PACS2: variants seen among roughly 807,000 people sequenced by gnomAD.
PACS2 encodes phosphofurin acidic cluster sorting protein 2.
In PACS2, 36 loss-of-function variants were observed where a neutral mutation model predicts 113.0. That is an observed-to-expected ratio of 0.32 (90% CI 0.24 to 0.42). The LOEUF is 0.42. Ranked by LOEUF, PACS2 falls within the 10% of genes least tolerant of loss-of-function variation. PACS2 has a pLI of 1.00. For synonymous variants in PACS2, 589 were observed against 536.1 expected (o/e 1.10, Z -1.36); for missense variants, 1,015 against 1,239.5 (o/e 0.82, Z 2.72).
At chr14:105,320,757 T>C (rs1477964541) in intron 1 of PACS2, among the ~76,000 whole-genome samples, 4 of 152,246 alleles carry the variant, frequency 2.6e-5, no homozygotes, top group Admixed American at 1.3e-4. Context: ...AAGATTTCCT[T>C]GTGAAATGAA....
At chr14:105,322,659 C>T (rs1406041359) in intron 1 of PACS2, among the ~76,000 whole-genome samples, 3 of 152,132 alleles carry the variant, frequency 2.0e-5, no homozygotes, top group Admixed American at 2.0e-4. Context: ...TAATCCAACC[C>T]TTTCATGTTT....
intron 1 of PACS2, among the ~76,000 whole-genome samples, chr14:105,342,237 TG>T (rs2059756977): frequency 6.8e-6 from 1 of 147,128 alleles, no homozygotes; most frequent in Non-Finnish European, 1.5e-5. Context: ...TGCCTGTGTG[TG>T]TGTGTGTGTG....
At chr14:105,363,872 A>G (rs910697468) in intron 4 of PACS2, among the ~76,000 whole-genome samples, 20 of 152,096 alleles carry the variant, frequency 1.3e-4, no homozygotes, top group African/African-American at 4.6e-4. Context: ...AGGGGCCCGT[A>G]GAGTTAGTAA....
At chr14:105,301,891 C>T (rs1376068863) in intron 1 of PACS2, among the ~76,000 whole-genome samples, 1 of 152,202 alleles carries the variant, frequency 6.6e-6, no homozygotes, top group Non-Finnish European at 1.5e-5. Flanking sequence ...AATCCCAGCA[C>T]TTTGGGAGGC....
chr14:105,362,124 A>G, intron 4 of PACS2, among the ~76,000 whole-genome samples: 1 of 151,422 alleles, frequency 6.6e-6, no homozygotes, highest in African/African-American at 2.4e-5. Flanking sequence ...ATCTGTCTCA[A>G]AAAAAAAGAA....
At position 105,345,057 on chromosome 14, in the gene PACS2, C is replaced by T. The variant is rs983191647; in HGVS notation, c.120-3436C>T. ...CCAGGAGGTGGAGGTTGCAGTGAGCCGAGATCACACCACTGCACTCCAGCC... is the reference window on the plus strand; with the variant it reads ...CCAGGAGGTGGAGGTTGCAGTGAGCTGAGATCACACCACTGCACTCCAGCC... On this transcript the variant is annotated intron_variant, in intron 1 of 24. Coordinates refer to ENST00000447393, the MANE Select transcript of PACS2 (RefSeq NM_001100913.3). 3.0e-4 allele frequency among the ~76,000 whole-genome samples: 43 copies of T among 144,754 alleles called. 1 individual carries two copies. Among genetic ancestry groups the T allele is most frequent in the Admixed American group, 2.4e-3 (34 of 14,300 alleles). 95.0% of individuals were successfully genotyped at this position (144,754 alleles called of 152,430 possible).
In PACS2 at chr14:105,376,830, C is replaced by T. The variant is rs150825139; in HGVS notation, c.864C>T (p.Leu288=). 100 of 1,613,190 alleles carry T rather than the reference C, an allele frequency of 6.2e-5. No individual in the cohort carries two copies. Among genetic ancestry groups the T allele is most frequent in the Non-Finnish European group, 8.0e-5 (94 of 1,179,896 alleles). ...CCGAGGCAGAGGAGGACCTGGACCTCCTGTATGACACCCTGGACATGGAGC... is the reference window on the plus strand; with the variant it reads ...CCGAGGCAGAGGAGGACCTGGACCTTCTGTATGACACCCTGGACATGGAGC... The part of the protein sequence containing the change: ...HIPEAEEDLD[L]LYDTLDMEHP... The change falls in exon 9 of 25, where the codon CTC becomes CTT. Residue 288 remains leucine, a synonymous_variant. Transcript: ENST00000447393. The surrounding 1 kb of genome is among the most constrained non-coding windows in gnomAD (Gnocchi z 4.7).
At chr14:105,392,595 A>G in intron 22 of PACS2, 24 bp from the exon 23 acceptor site, 1 of 1,569,604 alleles carries the variant, frequency 6.4e-7, no homozygotes, top group African/African-American at 1.4e-5. Flanking sequence ...TGCAGGTGTG[A>G]ATGCCTCCCT....
At position 105,321,667 on chromosome 14, in the gene PACS2, T is replaced by G. The variant is rs147657259; in HGVS notation, c.119+6630T>G. Among the ~76,000 whole-genome samples, 390 of 152,124 alleles carry G rather than the reference T, an allele frequency of 2.6e-3. 4 individuals are homozygous for G. The highest frequency in any genetic ancestry group is 8.9e-3 in the African/African-American group (371 of 41,494). ...CATGAACCACTAACGCCCCGTCACT[T>G]AATATATTTTTGAGGCTATGTTATT... On this transcript the variant is annotated intron_variant, in intron 1 of 24. Coordinates refer to ENST00000447393, the MANE Select transcript of PACS2 (RefSeq NM_001100913.3).
At chr14:105,364,432 C>T (rs1188709028) in intron 4 of PACS2, among the ~76,000 whole-genome samples, 4 of 102,224 alleles carry the variant, frequency 3.9e-5, no homozygotes, top group East Asian at 2.7e-4. Context: ...CCCGGGTGCG[C>T]GGTGGGCGGC....
rs1481433587 is a variant in PACS2 at position 105,376,104 on chromosome 14, A to G, written c.802-664A>G. Among the ~76,000 whole-genome samples the G allele has an allele frequency of 1.3e-5, 2 of 152,198 alleles. No individual in the cohort carries two copies. The highest frequency in any genetic ancestry group is 2.1e-4 in the South Asian group (1 of 4,824). ...CCATCAGATCTCTTAAGATGTGCTC[A>G]TTATCATGAGAACAGCGTGGAGGAA... is the stretch of plus-strand genomic sequence containing the variant. On this transcript the variant is annotated intron_variant, in intron 8 of 24. Transcript: ENST00000447393. This position sits in a 1 kb window ranked among gnomAD's most constrained non-coding sequence, Gnocchi z 4.7.
chr14:105,325,588 G>A (rs911761122), intron 1 of PACS2, among the ~76,000 whole-genome samples: 2 of 152,232 alleles, frequency 1.3e-5, no homozygotes, highest in Admixed American at 6.5e-5. Context: ...AGCCCCAGGA[G>A]CCAGGTGTGT....
rs369414733 is a variant in PACS2, at chr14:105,376,809, G to A, written c.843G>A (p.Glu281=). 98 of 1,613,070 alleles carry A rather than the reference G, an allele frequency of 6.1e-5. No individual in the cohort carries two copies. The highest frequency in any genetic ancestry group is 7.9e-5 in the Non-Finnish European group (93 of 1,179,876). Residue 281 remains glutamate (E), a synonymous_variant, in exon 9 of 25, where the codon GAG becomes GAA. Transcript: ENST00000447393. This position sits in a 1 kb window ranked among gnomAD's most constrained non-coding sequence, Gnocchi z 4.7. The part of the protein sequence containing the change: ...SEQDPAEHIP[E]AEEDLDLLYD... ...AGGACCCTGCGGAGCACATCCCCGAGGCAGAGGAGGACCTGGACCTCCTGT... is the reference window on the plus strand; with the variant it reads ...AGGACCCTGCGGAGCACATCCCCGAAGCAGAGGAGGACCTGGACCTCCTGT...
At chr14:105,368,976 G>A (rs1229953942) in intron 7 of PACS2, among the ~76,000 whole-genome samples, 1 of 152,234 alleles carries the variant, frequency 6.6e-6, no homozygotes, top group Non-Finnish European at 1.5e-5. Flanking sequence ...CCTGAGGAAA[G>A]CTCAGGCAGC....
In PACS2 at chr14:105,376,677, A is replaced by G. The variant is rs2141207945; in HGVS notation, c.802-91A>G. The G allele has an allele frequency of 1.6e-6, 2 of 1,276,550 alleles. No homozygotes were observed. Among genetic ancestry groups the G allele is most frequent in the South Asian group, 1.3e-5 (1 of 74,490 alleles). 79.1% of individuals were successfully genotyped at this position (1,276,550 alleles called of 1,614,324 possible). On this transcript the variant is annotated intron_variant, in intron 8 of 24. Coordinates refer to ENST00000447393, the MANE Select transcript of PACS2 (RefSeq NM_001100913.3). The surrounding 1 kb of genome is among the most constrained non-coding windows in gnomAD (Gnocchi z 4.7). ...TTTGGTGGCTGGGTGCCCGCCTCCT[A>G]TTGCTCCTGCAGACTCTGGGGTCTC...
intron 4 of PACS2, among the ~76,000 whole-genome samples, chr14:105,364,468 C>CCCGGGTGCGCGGTGGGCGGCGTT: frequency 7.3e-6 from 1 of 137,856 alleles, no homozygotes; most frequent in African/African-American, 2.7e-5. Context: ...TGGGCGGCGT[C>CCCGGGTGCGCGGTGGGCGGCGTT]CCGGGTGCGC....
intron 19 of PACS2, 131 bp downstream of exon 19, chr14:105,385,848 C>G (rs1255032634): frequency 2.1e-5 from 11 of 527,776 alleles, no homozygotes; most frequent in Non-Finnish European, 3.5e-5. Flanking sequence ...TGAGGGCCAC[C>G]AGCTGCAGGC....
At chr14:105,350,997 G>A (rs1486690437) in intron 2 of PACS2, among the ~76,000 whole-genome samples, 2 of 152,194 alleles carry the variant, frequency 1.3e-5, no homozygotes, top group Non-Finnish European at 2.9e-5. Context: ...GCCCGAGTAC[G>A]GCCATGCGGG....
rs371000360 is a variant in PACS2 at position 105,351,030 on chromosome 14, C to T, written c.208-1348C>T. Among the ~76,000 whole-genome samples the T allele has an allele frequency of 7.1e-4, 108 of 152,308 alleles. 2 individuals are homozygous for T. In the South Asian group the frequency reaches 0.019, roughly 27 times the overall value. ...GGGCCGCCCGCACCTGTCCTGAGGC[C>T]CCGCTGCTCCCACCCGAACCTGGGC... is the stretch of plus-strand genomic sequence containing the variant. On this transcript the variant is annotated intron_variant, in intron 2 of 24. Transcript: ENST00000447393.
Sources: allele counts gnomAD v4.1 joint callset (sites outside exome capture counted in the v4.1 genomes callset), GRCh38; gene constraint gnomAD v4.1.1; non-coding constraint Gnocchi (gnomAD v3.1); transcripts MANE v1.5; gene names NCBI Gene and HGNC (gene_info 2026-07-23, HGNC 2026-07-21).